The following CADM2 variants were observed in gnomAD, a reference collection of about 807,000 sequenced individuals.
CADM2 encodes the protein cell adhesion molecule 2.
Under a neutral mutation model 49.8 loss-of-function variants are expected in CADM2, and 12 were observed. That is an observed-to-expected ratio of 0.24 (90% CI 0.15 to 0.39). The LOEUF is 0.39. Ranked by LOEUF, CADM2 falls within the 10% of genes least tolerant of loss-of-function variation. The pLI, the probability that CADM2 is intolerant of heterozygous loss-of-function variation, is 1.00. For missense variants in CADM2, 378 were observed against 492.3 expected, an observed-to-expected ratio of 0.77 and a Z score of 2.20; for synonymous variants, 214 against 175.4, an observed-to-expected ratio of 1.22 and a Z score of -1.74.
chr3:85,436,195 G>A (rs959393748), intron 1 of CADM2, among the ~76,000 whole-genome samples: 1 of 152,098 alleles, frequency 6.6e-6, no homozygotes, highest in African/African-American at 2.4e-5. Context: ...TGGTGAATGG[G>A]AGTTCACTCA....
At chr3:84,976,334 T>C (rs1014346860) in intron 1 of CADM2, among the ~76,000 whole-genome samples, 2 of 151,710 alleles carry the variant, frequency 1.3e-5, no homozygotes, top group African/African-American at 2.4e-5. Context: ...TATTTGATAC[T>C]ATATTTATAT....
chr3:84,974,145 T>G (rs1310915850), intron 1 of CADM2, among the ~76,000 whole-genome samples: 1 of 151,982 alleles, frequency 6.6e-6, no homozygotes, highest in Non-Finnish European at 1.5e-5. Flanking sequence ...TGTATGGTAT[T>G]TTTGAATATT....
intron 1 of CADM2, among the ~76,000 whole-genome samples, chr3:85,609,846 G>C (rs969294448): frequency 2.0e-5 from 3 of 151,950 alleles, no homozygotes; most frequent in Non-Finnish European, 4.4e-5. Context: ...TATTATAATG[G>C]GGATTTAATT....
chr3:84,978,067 T>C (rs868146765), intron 1 of CADM2, among the ~76,000 whole-genome samples: 4 of 152,172 alleles, frequency 2.6e-5, no homozygotes, highest in South Asian at 2.1e-4. Flanking sequence ...GGCAAATTTT[T>C]AGAAATGATA....
At chr3:85,587,011 A>T (rs2062963126) in intron 1 of CADM2, among the ~76,000 whole-genome samples, 1 of 152,076 alleles carries the variant, frequency 6.6e-6, no homozygotes, top group Non-Finnish European at 1.5e-5. Context: ...AGTAGATGGG[A>T]TTCATTTTGA....
chr3:85,293,306 C>A (rs1284329052), intron 1 of CADM2, among the ~76,000 whole-genome samples: 7 of 151,404 alleles, frequency 4.6e-5, no homozygotes, highest in African/African-American at 1.2e-4. Flanking sequence ...ATAGCTTACC[C>A]ACCAAAAAGA....
intron 3 of CADM2, among the ~76,000 whole-genome samples, chr3:85,820,753 T>G (rs1299762945): frequency 2.0e-5 from 3 of 152,064 alleles, no homozygotes; most frequent in Admixed American, 1.3e-4. Flanking sequence ...GTTAAAGATC[T>G]TAAATACAGA....
At chr3:85,769,272 T>TACATATATAGTATATACACACGTATAC (rs1559643984) in intron 2 of CADM2, among the ~76,000 whole-genome samples, 1 of 38,790 alleles carries the variant, frequency 2.6e-5, no homozygotes, top group Non-Finnish European at 3.9e-5. Context: ...TACACATATA[T>TACATATATAGTATATACACACGTATAC]ACATATATAC....
intron 2 of CADM2, chr3:85,800,322 T>A (rs1484632277): frequency 6.6e-6 from 1 of 152,360 alleles, no homozygotes; most frequent in East Asian, 1.9e-4. Flanking sequence ...CTTGCTGGGC[T>A]CCATGGTGGT....
chr3:85,177,115 C>G (rs1258203196), intron 1 of CADM2, among the ~76,000 whole-genome samples: 3 of 152,124 alleles, frequency 2.0e-5, no homozygotes, highest in Non-Finnish European at 4.4e-5. Flanking sequence ...TTTAATATAA[C>G]ATGAATATTT....
chr3:85,284,400 T>C (rs1398613460), intron 1 of CADM2, among the ~76,000 whole-genome samples: 1 of 152,010 alleles, frequency 6.6e-6, no homozygotes, highest in Non-Finnish European at 1.5e-5. Context: ...CCCATATATG[T>C]CAGATGGATG....
rs1305911129 is a variant in CADM2 at position 85,421,300 on chromosome 3, AT to A, written c.62-305221del. Among the ~76,000 whole-genome samples, 4 of 152,152 alleles carry A rather than the reference AT, an allele frequency of 2.6e-5. No individual in the cohort carries two copies. The East Asian group carries it at 7.7e-4, about 29-fold the overall frequency. On this transcript the variant is annotated intron_variant, in intron 1 of 9. Coordinates refer to ENST00000383699, the MANE Select transcript of CADM2 (RefSeq NM_001167675.2). ...AATGGAGCAGTTAGTGTTAAAAATG[AT>A]CATCATTTATTGCTTGTTGCTTTAA...
intron 1 of CADM2, among the ~76,000 whole-genome samples, chr3:85,287,960 G>A (rs902928582): frequency 7.4e-6 from 1 of 134,754 alleles, no homozygotes; most frequent in South Asian, 2.8e-4. Context: ...GGTGGAGGGA[G>A]GGGGGAGGGA....
At chr3:85,831,243 C>G (rs2074174490) in intron 3 of CADM2, among the ~76,000 whole-genome samples, 1 of 151,880 alleles carries the variant, frequency 6.6e-6, no homozygotes, top group Non-Finnish European at 1.5e-5. Context: ...CCATGGGCAT[C>G]TAGGTTGATT....
chr3:85,921,811 T>C (rs998128390), intron 6 of CADM2, among the ~76,000 whole-genome samples: 10 of 152,006 alleles, frequency 6.6e-5, no homozygotes, highest in African/African-American at 2.4e-4. Flanking sequence ...GCCCAAAAAA[T>C]CTCCTGTGCT....
At chr3:85,476,231 T>C (rs796197414) in intron 1 of CADM2, among the ~76,000 whole-genome samples, 13 of 152,080 alleles carry the variant, frequency 8.5e-5, no homozygotes, top group African/African-American at 3.1e-4. Context: ...ATAACTGTTA[T>C]AAAAAGAGAT....
chr3:85,301,932 A>T (rs1041842841), intron 1 of CADM2, among the ~76,000 whole-genome samples: 14 of 152,098 alleles, frequency 9.2e-5, no homozygotes, highest in African/African-American at 3.4e-4. Flanking sequence ...TAATAACTGA[A>T]TTTTTTTGTA....
chr3:85,194,551 A>G (rs1042646622), intron 1 of CADM2, among the ~76,000 whole-genome samples: 33 of 152,242 alleles, frequency 2.2e-4, no homozygotes, highest in South Asian at 1.2e-3. Context: ...GAAAATGCCT[A>G]TATTTCACTA....
chr3:85,648,279 A>T (rs764652465), intron 1 of CADM2, among the ~76,000 whole-genome samples: 1 of 151,958 alleles, frequency 6.6e-6, no homozygotes, highest in Non-Finnish European at 1.5e-5. Context: ...ATAAATGGTG[A>T]TTATTAAAAT....
Sources: gnomAD v4.1 joint callset for allele counts (sites outside exome capture counted in the v4.1 genomes callset) on GRCh38, gnomAD v4.1.1 for gene constraint, MANE v1.5 for transcripts, NCBI Gene and HGNC (gene_info 2026-07-23, HGNC 2026-07-21) for gene names.